Variants in TRIM2 observed in about 807,000 individuals in gnomAD.
TRIM2 encodes the protein tripartite motif containing 2, also known as tripartite motif-containing protein 2.
In TRIM2, 20 loss-of-function variants were observed where a neutral mutation model predicts 75.2. The observed-to-expected ratio is 0.27, with a 90% CI of 0.19 to 0.39. TRIM2 has a LOEUF of 0.39. Ranked by LOEUF, TRIM2 falls within the 10% of genes least tolerant of loss-of-function variation. TRIM2 has a pLI of 1.00. For synonymous variants in TRIM2, 373 were observed against 388.3 expected (o/e 0.96, Z 0.46); for missense variants, 660 against 990.8 (o/e 0.67, Z 4.48).
chr4:153,193,344 G>A (rs1052305142), intron 1 of TRIM2, among the ~76,000 whole-genome samples: 2 of 151,932 alleles, frequency 1.3e-5, no homozygotes, highest in African/African-American at 4.8e-5. Flanking sequence ...TGTTAGTTAG[G>A]ATGGTCTCGA....
intron 6 of TRIM2, among the ~76,000 whole-genome samples, chr4:153,297,820 G>GAATGATTTA (rs1560972506): frequency 2.0e-5 from 3 of 152,170 alleles, no homozygotes; most frequent in Non-Finnish European, 2.9e-5. Flanking sequence ...GTAAAACAAA[G>GAATGATTTA]GGAATGAAAT....
intron 9 of TRIM2, 113 bp from the exon 10 acceptor site, chr4:153,323,965 T>G (rs1769563662): frequency 2.5e-6 from 2 of 815,836 alleles, no homozygotes; most frequent in Non-Finnish European, 3.9e-6. Context: ...CTATGATTCT[T>G]TGTACTTTCT....
chr4:153,294,443 G>A lies in TRIM2; in HGVS notation c.744G>A (p.Val248=). Residue 248 remains valine, a synonymous_variant, in exon 5 of 12, where the codon GTG becomes GTA. Transcript: ENST00000338700. ...LQKTLNVRKS[V]LLMELEVNYG... ...AGACTTTAAATGTGCGCAAGAGTGT[G>A]CTGCTTATGGAATTGGAGGTCAACT... is the stretch of plus-strand genomic sequence containing the variant. 1 of 1,614,076 alleles carries A rather than the reference G, an allele frequency of 6.2e-7. No homozygotes were observed. The highest frequency in any genetic ancestry group is 8.5e-7 in the Non-Finnish European group (1 of 1,179,984).
At chr4:153,281,592 A>T (rs1036338011) in intron 3 of TRIM2, among the ~76,000 whole-genome samples, 1 of 152,176 alleles carries the variant, frequency 6.6e-6, no homozygotes, top group Non-Finnish European at 1.5e-5. Context: ...AAACAATCCA[A>T]GCATCTGAAG....
chr4:153,238,382 G>A (rs935424521), intron 1 of TRIM2, among the ~76,000 whole-genome samples: 20 of 152,010 alleles, frequency 1.3e-4, no homozygotes, highest in Admixed American at 1.3e-3. Context: ...GGAGGTAAAG[G>A]TAATGAATTA....
At chr4:153,275,826 GTA>G (rs1491476293) in intron 2 of TRIM2, 65 bp from the exon 3 acceptor site, 13 of 1,417,850 alleles carry the variant, frequency 9.2e-6, no homozygotes, top group Non-Finnish European at 1.3e-5. Flanking sequence ...CTGAGAACAT[GTA>G]TGGTACCTGT....
intron 1 of TRIM2, among the ~76,000 whole-genome samples, chr4:153,207,691 G>T (rs1009291746): frequency 1.3e-5 from 2 of 152,348 alleles, no homozygotes; most frequent in South Asian, 4.1e-4. Flanking sequence ...AATGCTAAGA[G>T]AATGCAGTGC....
Position 153,295,754 on chromosome 4 carries a change from G to A in TRIM2, c.1228G>A (p.Asp410Asn). The A allele has an allele frequency of 6.2e-7, 1 of 1,614,068 alleles. No individual in the cohort carries two copies. Among genetic ancestry groups the A allele is most frequent in the East Asian group, 2.2e-5 (1 of 44,870 alleles). ...GAGCGTGGCAGACGGGGAGATCCTG[G>A]ACAACAAGAACGGCACCTATGAGTT... ...DGSVADGEIL[D>N]NKNGTYEFLY... The change falls in exon 6 of 12, where the codon GAC becomes AAC. Residue 410 changes from aspartate (D) to asparagine (N), a missense_variant. Asp to Asn is a conservative substitution (Grantham distance 23, BLOSUM62 1). This residue lies in a region of TRIM2 where 620 missense variants were observed against 891.0 expected (regional missense o/e 0.70). Coordinates refer to ENST00000338700, the MANE Select transcript of TRIM2 (RefSeq NM_015271.5). The surrounding 1 kb of genome is among the most constrained non-coding windows in gnomAD (Gnocchi z 7.2).
intron 1 of TRIM2, among the ~76,000 whole-genome samples, chr4:153,244,409 T>C (rs148071622): frequency 0.028 from 2,441 of 87,646 alleles, 214 homozygotes; most frequent in Non-Finnish European, 0.038. Context: ...CTTCTTCTTC[T>C]TCTTCTTCTT....
chr4:153,244,325 T>C (rs868673492), intron 1 of TRIM2, among the ~76,000 whole-genome samples: 23 of 18,212 alleles, frequency 1.3e-3, no homozygotes, highest in South Asian at 3.4e-3. Context: ...CCTCCTCTTC[T>C]TCTTCTTCTT....
chr4:153,337,012 G>C lies in TRIM2; in HGVS notation c.*2046G>C, dbSNP rs1330505329. The C allele has an allele frequency of 9.2e-6, 9 of 980,938 alleles. No individual in the cohort carries two copies. Among genetic ancestry groups the C allele is most frequent in the Non-Finnish European group, 1.1e-5 (9 of 826,120 alleles). 60.8% of individuals were successfully genotyped at this position (980,938 alleles called of 1,614,324 possible). A position where few individuals can be genotyped will look rare whatever the true frequency, so the allele number is the denominator to read the frequency against. On this transcript the variant is annotated 3_prime_UTR_variant, in exon 12 of 12. Coordinates refer to ENST00000338700, the MANE Select transcript of TRIM2 (RefSeq NM_015271.5). ...CTACTAGGTACCAAGTACTCTTTTA[G>C]GCACTGGAAATACAGTGATGGACAA...
At chr4:153,276,432 C>T (rs1217372065) in intron 3 of TRIM2, among the ~76,000 whole-genome samples, 2 of 151,990 alleles carry the variant, frequency 1.3e-5, no homozygotes, top group Non-Finnish European at 2.9e-5. Flanking sequence ...TTTATGGATA[C>T]GGATTTAACA....
intron 6 of TRIM2, among the ~76,000 whole-genome samples, chr4:153,299,167 C>T (rs997465955): frequency 1.3e-5 from 2 of 152,172 alleles, no homozygotes; most frequent in African/African-American, 4.8e-5. Context: ...TCCCCAGCCT[C>T]TGGTATCCAC....
intron 1 of TRIM2, among the ~76,000 whole-genome samples, chr4:153,169,822 TG>T (rs1405819522): frequency 1.3e-5 from 2 of 152,256 alleles, no homozygotes; most frequent in Non-Finnish European, 2.9e-5. Context: ...AATGTCTACG[TG>T]TGGCATCTTT....
intron 1 of TRIM2, among the ~76,000 whole-genome samples, chr4:153,168,581 A>G (rs937998321): frequency 1.3e-5 from 2 of 152,144 alleles, no homozygotes; most frequent in African/African-American, 4.8e-5. Flanking sequence ...TGGGATTAAC[A>G]CTGTAGAGAC....
intron 1 of TRIM2, among the ~76,000 whole-genome samples, chr4:153,208,677 G>A (rs573511698): frequency 7.9e-5 from 12 of 152,160 alleles, no homozygotes; most frequent in Admixed American, 7.2e-4. Context: ...AAATGGGAAC[G>A]ATATTGTCTG....
intron 1 of TRIM2, among the ~76,000 whole-genome samples, chr4:153,240,424 T>C (rs914741597): frequency 6.6e-6 from 1 of 152,228 alleles, no homozygotes; most frequent in African/African-American, 2.4e-5. Context: ...TTATACTACA[T>C]ATTTGCATAA....
rs550580858 is a variant in TRIM2 at position 153,210,295 on chromosome 4, C to A, written c.30+5735C>A. On this transcript the variant is annotated intron_variant, in intron 1 of 11. Transcript: ENST00000338700. The stretch of plus-strand genomic sequence containing the variant: ...GGCCAGGCCGGTCTCAAACTCCTGA[C>A]CTCAGGTGATCTGCCTGCCTTGACC... Among the ~76,000 whole-genome samples, 23 of 152,198 alleles carry A rather than the reference C, an allele frequency of 1.5e-4. No individual in the cohort carries two copies. In the Middle Eastern group the frequency reaches 0.01, roughly 68 times the overall value.
chr4:153,228,720 T>C (rs892399409), intron 1 of TRIM2, among the ~76,000 whole-genome samples: 6 of 152,274 alleles, frequency 3.9e-5, no homozygotes, highest in African/African-American at 1.4e-4. Flanking sequence ...CAATGATAAA[T>C]GTTCTCTTTT....
Sources: gnomAD v4.1 joint callset for allele counts (sites outside exome capture counted in the v4.1 genomes callset) on GRCh38, gnomAD v4.1.1 for gene constraint, gnomAD v4.1.1 regional missense constraint, Gnocchi (gnomAD v3.1) non-coding constraint, MANE v1.5 for transcripts, NCBI Gene and HGNC (gene_info 2026-07-23, HGNC 2026-07-21) for gene names.